The following ZNF609 variants were observed in gnomAD, a reference collection of about 807,000 sequenced individuals.
ZNF609 encodes the protein zinc finger protein 609.
In ZNF609, 11 loss-of-function variants were observed where a neutral mutation model predicts 109.5. The observed-to-expected ratio is 0.10, with a 90% CI of 0.06 to 0.17. ZNF609 has a LOEUF of 0.17. ZNF609 is among the 10% of genes least tolerant of loss of function. The probability of loss-of-function intolerance (pLI) is 1.00; values close to 1 mark genes in which losing one functional copy is unlikely to be tolerated. For missense variants in ZNF609, 1,559 were observed against 1,772.4 expected (o/e 0.88, Z 2.16); for synonymous variants, 646 against 662.0 (o/e 0.98, Z 0.37).
intron 1 of ZNF609, among the ~76,000 whole-genome samples, chr15:64,484,125 T>G (rs1893297344): frequency 6.6e-6 from 1 of 151,294 alleles, no homozygotes; most frequent in South Asian, 2.1e-4. Flanking sequence ...TGTGGAAGAG[T>G]TTAGTGACAT....
chr15:64,470,753 C>T (rs998158501), intron 1 of ZNF609, among the ~76,000 whole-genome samples: 6 of 152,076 alleles, frequency 3.9e-5, no homozygotes, highest in African/African-American at 9.7e-5. Flanking sequence ...AACTCCTGAC[C>T]TCATGATCCA....
intron 3 of ZNF609, chr15:64,652,947 T>C (rs1190258044): frequency 1.3e-5 from 2 of 153,158 alleles, no homozygotes; most frequent in African/African-American, 4.8e-5. Context: ...ACAGATTTCT[T>C]TGTTCCATCT....
chr15:64,495,749 AT>A (rs767867936), intron 1 of ZNF609, among the ~76,000 whole-genome samples: 18 of 142,318 alleles, frequency 1.3e-4, no homozygotes, highest in Non-Finnish European at 2.5e-4. Context: ...GTTTCCTTGT[AT>A]CTTTTTTTTT....
At chr15:64,635,474 T>C (rs1170939981) in intron 3 of ZNF609, among the ~76,000 whole-genome samples, 1 of 152,214 alleles carries the variant, frequency 6.6e-6, no homozygotes, top group Non-Finnish European at 1.5e-5. Context: ...AATTTCCTTA[T>C]TTGTAAAATG....
At chr15:64,568,849 A>G (rs981982432) in intron 2 of ZNF609, among the ~76,000 whole-genome samples, 8 of 152,194 alleles carry the variant, frequency 5.3e-5, no homozygotes, top group Admixed American at 1.3e-4. Flanking sequence ...TTAGACTTCT[A>G]TGGAGTTAAA....
intron 2 of ZNF609, among the ~76,000 whole-genome samples, chr15:64,579,500 C>T (rs1013775166): frequency 2.0e-5 from 3 of 151,466 alleles, no homozygotes; most frequent in African/African-American, 7.3e-5. Flanking sequence ...CATTTGAAGT[C>T]AGGGGTTCGA....
At chr15:64,626,749 A>T (rs1004266173) in intron 3 of ZNF609, among the ~76,000 whole-genome samples, 1 of 152,154 alleles carries the variant, frequency 6.6e-6, no homozygotes, top group Non-Finnish European at 1.5e-5. Context: ...ATGCATTTTT[A>T]AATTCCTGCA....
intron 2 of ZNF609, among the ~76,000 whole-genome samples, chr15:64,617,785 A>G (rs1249882441): frequency 1.3e-5 from 2 of 152,098 alleles, no homozygotes; most frequent in African/African-American, 4.8e-5. Flanking sequence ...CATCTCAAAA[A>G]ACAAACAAAC....
chr15:64,642,193 T>A (rs1403281122), intron 3 of ZNF609, among the ~76,000 whole-genome samples: 1 of 152,176 alleles, frequency 6.6e-6, no homozygotes, highest in Non-Finnish European at 1.5e-5. Flanking sequence ...TTTTTGTTTT[T>A]ATTTTTTTGA....
At position 64,675,980 on chromosome 15, in the gene ZNF609, A is replaced by G. The variant is rs760690490; in HGVS notation, c.3126A>G (p.Gln1042=). 1 of 1,614,202 alleles carries G rather than the reference A, an allele frequency of 6.2e-7. No homozygotes were observed. The highest frequency in any genetic ancestry group is 1.3e-5 in the African/African-American group (1 of 75,050). Reference sequence around the variant, plus strand: ...CAGCACTCAAGGAAGAGTGGAAGCAAAAGCCGTCAATTCCACCAACTCTCA... The same window carrying G: ...CAGCACTCAAGGAAGAGTGGAAGCAGAAGCCGTCAATTCCACCAACTCTCA... ...REAALKEEWK[Q]KPSIPPTLTK... The change falls in exon 5 of 10, where the codon CAA becomes CAG. Residue 1042 remains glutamine, a synonymous_variant. Coordinates refer to ENST00000326648, the MANE Select transcript of ZNF609 (RefSeq NM_015042.2).
chr15:64,641,378 C>T (rs993749338), intron 3 of ZNF609, among the ~76,000 whole-genome samples: 70 of 151,416 alleles, frequency 4.6e-4, no homozygotes, highest in African/African-American at 1.6e-3. Context: ...CCACCACGCC[C>T]GGCTAATTTT....
At chr15:64,666,574 G>T (rs964290205) in intron 3 of ZNF609, among the ~76,000 whole-genome samples, 4 of 151,956 alleles carry the variant, frequency 2.6e-5, no homozygotes, top group Admixed American at 1.3e-4. Flanking sequence ...CACAATCTCA[G>T]CTCACTGCAA....
At chr15:64,629,727 G>A (rs1023705649) in intron 3 of ZNF609, among the ~76,000 whole-genome samples, 2 of 152,070 alleles carry the variant, frequency 1.3e-5, no homozygotes, top group Admixed American at 6.6e-5. Flanking sequence ...TTACTTCCCC[G>A]CACAAAATAG....
chr15:64,645,061 CT>C (rs1391970562), intron 3 of ZNF609, among the ~76,000 whole-genome samples: 1 of 116,938 alleles, frequency 8.6e-6, no homozygotes, highest in Non-Finnish European at 1.8e-5. Context: ...TCCTTTCTTC[CT>C]TCCTTCCTTC....
intron 2 of ZNF609, among the ~76,000 whole-genome samples, chr15:64,510,286 C>T (rs1893704931): frequency 6.6e-6 from 1 of 151,388 alleles, no homozygotes; most frequent in African/African-American, 2.4e-5. Context: ...CTCAGTGCAG[C>T]CTCAAACTCC....
At chr15:64,610,414 G>C (rs1474365793) in intron 2 of ZNF609, among the ~76,000 whole-genome samples, 2 of 152,114 alleles carry the variant, frequency 1.3e-5, no homozygotes, top group Non-Finnish European at 2.9e-5. Flanking sequence ...GAAATAATCT[G>C]TACAACAAAC....
chr15:64,513,301 C>T (rs918857979), intron 2 of ZNF609, among the ~76,000 whole-genome samples: 1 of 152,182 alleles, frequency 6.6e-6, no homozygotes, highest in Non-Finnish European at 1.5e-5. Context: ...GATTCCTAAA[C>T]ATCTGGTAGA....
Position 64,684,031 on chromosome 15 carries a change from C to G in ZNF609, c.*2345C>G, listed in dbSNP as rs1422300978. 19 of 152,196 alleles carry G rather than the reference C, an allele frequency of 1.2e-4. No homozygotes were observed. Among genetic ancestry groups the G allele is most frequent in the Admixed American group, 1.2e-3 (19 of 15,282 alleles). 9.4% of individuals were successfully genotyped at this position (152,196 alleles called of 1,614,324 possible). On this transcript the variant is annotated 3_prime_UTR_variant, in exon 10 of 10. Transcript: ENST00000326648. ...CTCTTTGATCCTCATATCCAAGTCT[C>G]CCCTGAAGAGTAGGAGCTGCTCAGA...
At chr15:64,677,040 C>T (rs1896819626) in intron 5 of ZNF609, among the ~76,000 whole-genome samples, 1 of 152,058 alleles carries the variant, frequency 6.6e-6, no homozygotes, top group Admixed American at 6.6e-5. Flanking sequence ...GCGTGAGCCA[C>T]TGCGCCCAGT....
Sources: gnomAD v4.1 joint callset for allele counts (sites outside exome capture counted in the v4.1 genomes callset) on GRCh38, gnomAD v4.1.1 for gene constraint, MANE v1.5 for transcripts, NCBI Gene and HGNC (gene_info 2026-07-23, HGNC 2026-07-21) for gene names.